STK32B: variants seen among roughly 807,000 people sequenced by gnomAD.
STK32B encodes the protein serine/threonine-protein kinase 32B.
STK32B carries 43 observed loss-of-function variants against 52.6 expected under a neutral mutation model. The ratio of observed to expected loss-of-function variants is 0.82; its 90% CI spans 0.64 to 1.05. The LOEUF (loss-of-function observed/expected upper bound fraction) is 1.05, where lower values mean the gene tolerates loss of function less well. STK32B is among the 50% of genes least tolerant of loss of function. The probability of loss-of-function intolerance (pLI) is 0.00; values close to 1 mark genes in which losing one functional copy is unlikely to be tolerated. For synonymous variants in STK32B, 238 were observed against 204.3 expected, an observed-to-expected ratio of 1.17 and a Z score of -1.41; for missense variants, 621 against 534.6, an observed-to-expected ratio of 1.16 and a Z score of -1.59.
At chr4:5,175,602 G>T (rs1433760118) in intron 3 of STK32B, among the ~76,000 whole-genome samples, 6 of 152,200 alleles carry the variant, frequency 3.9e-5, no homozygotes, top group African/African-American at 1.4e-4. Context: ...CAGCAGCAGT[G>T]GCTGCAGAAC....
chr4:5,356,947 G>A (rs1223908888), intron 4 of STK32B, among the ~76,000 whole-genome samples: 4 of 152,018 alleles, frequency 2.6e-5, no homozygotes, highest in Admixed American at 6.6e-5. Context: ...GCAGTGAGCC[G>A]AGATCGTGCC....
chr4:5,180,512 G>T (rs1002636355), intron 3 of STK32B, among the ~76,000 whole-genome samples: 1 of 152,110 alleles, frequency 6.6e-6, no homozygotes, highest in Admixed American at 6.5e-5. Context: ...CACAGCTGCT[G>T]TGATGGGGCC....
chr4:5,263,893 T>G (rs1330866796), intron 3 of STK32B, among the ~76,000 whole-genome samples: 2 of 152,240 alleles, frequency 1.3e-5, no homozygotes, highest in African/African-American at 4.8e-5. Flanking sequence ...TACATTGGTT[T>G]TGCCTATTCC....
chr4:5,160,777 A>C (rs1718378995), intron 2 of STK32B, among the ~76,000 whole-genome samples: 1 of 152,214 alleles, frequency 6.6e-6, no homozygotes, highest in African/African-American at 2.4e-5. Context: ...TGGACAATGG[A>C]TGCACGAAGC....
chr4:5,143,369 T>A (rs1716652828), intron 2 of STK32B, among the ~76,000 whole-genome samples: 2 of 152,186 alleles, frequency 1.3e-5, no homozygotes, highest in African/African-American at 4.8e-5. Context: ...TATTCAGAAA[T>A]CATGTTGTAT....
At chr4:5,252,309 G>T (rs991551015) in intron 3 of STK32B, among the ~76,000 whole-genome samples, 1 of 152,182 alleles carries the variant, frequency 6.6e-6, no homozygotes, top group Non-Finnish European at 1.5e-5. Context: ...ATTGGATAAA[G>T]AACCTCCAAT....
intron 5 of STK32B, among the ~76,000 whole-genome samples, chr4:5,402,879 G>A (rs576338370): frequency 6.6e-6 from 1 of 152,264 alleles, no homozygotes; most frequent in East Asian, 1.9e-4. Flanking sequence ...TGGAGGAAGG[G>A]ACATGTACAT....
intron 3 of STK32B, among the ~76,000 whole-genome samples, chr4:5,261,512 C>T (rs1726711573): frequency 6.6e-6 from 1 of 152,126 alleles, no homozygotes; most frequent in African/African-American, 2.4e-5. Flanking sequence ...ACACATCAGA[C>T]TCTTTAACCT....
chr4:5,328,768 G>T (rs139227452), intron 3 of STK32B, among the ~76,000 whole-genome samples: 2 of 152,132 alleles, frequency 1.3e-5, no homozygotes, highest in African/African-American at 2.4e-5. Context: ...CAGGGTTGCC[G>T]CAAACCTTCA....
chr4:5,066,283 C>G (rs1268623310), intron 1 of STK32B, among the ~76,000 whole-genome samples: 1 of 152,118 alleles, frequency 6.6e-6, no homozygotes, highest in African/African-American at 2.4e-5. Context: ...TTGATTTTAT[C>G]TCCTAAATAG....
At chr4:5,353,164 C>T (rs549673784) in intron 4 of STK32B, among the ~76,000 whole-genome samples, 1 of 152,132 alleles carries the variant, frequency 6.6e-6, no homozygotes, top group South Asian at 2.1e-4. Context: ...GAAACAACAC[C>T]CTCTTCAATA....
chr4:5,483,671 T>G (rs1375190591), intron 11 of STK32B, among the ~76,000 whole-genome samples: 51 of 151,918 alleles, frequency 3.4e-4, no homozygotes, highest in African/African-American at 1.1e-3. Flanking sequence ...TTCTTTTAAT[T>G]GTGATGTTAG....
At chr4:5,102,448 C>CCTTG (rs1433173519) in intron 1 of STK32B, among the ~76,000 whole-genome samples, 1 of 55,944 alleles carries the variant, frequency 1.8e-5, no homozygotes, top group African/African-American at 4.4e-5. Context: ...TTCCTTCCTT[C>CCTTG]CTTCCTTCCT....
intron 6 of STK32B, among the ~76,000 whole-genome samples, chr4:5,429,115 G>A (rs1713344202): frequency 6.6e-6 from 1 of 152,196 alleles, no homozygotes; most frequent in South Asian, 2.1e-4. Flanking sequence ...GTATGCTCTT[G>A]TGAGCCAGTA....
At chr4:5,430,927 G>T (rs1713524407) in intron 6 of STK32B, among the ~76,000 whole-genome samples, 1 of 152,156 alleles carries the variant, frequency 6.6e-6, no homozygotes, top group African/African-American at 2.4e-5. Context: ...CTAGCAATAG[G>T]CTTCTGTTTC....
At chr4:5,035,497 TG>T in the STK32B span, among the ~76,000 whole-genome samples, 2 of 152,106 alleles carry the variant, frequency 1.3e-5, no homozygotes, top group African/African-American at 4.8e-5. Flanking sequence ...ATATTTTGGG[TG>T]AAGACCCCCA....
intron 3 of STK32B, among the ~76,000 whole-genome samples, chr4:5,316,932 A>G (rs1451436782): frequency 1.4e-4 from 2 of 13,870 alleles, no homozygotes; most frequent in East Asian, 0.011. Flanking sequence ...TATATATAAT[A>G]TATATAATAT....
intron 4 of STK32B, among the ~76,000 whole-genome samples, chr4:5,363,702 T>C (rs1325429196): frequency 6.6e-6 from 1 of 152,190 alleles, no homozygotes; most frequent in East Asian, 1.9e-4. Context: ...TTTTGAGCCT[T>C]TGTATTGTGA....
At chr4:5,420,464 A>G in intron 6 of STK32B, among the ~76,000 whole-genome samples, 1 of 152,156 alleles carries the variant, frequency 6.6e-6, no homozygotes. Context: ...GAATGGGGGC[A>G]ACGGCAACTT....
Sources: allele counts gnomAD v4.1 joint callset (sites outside exome capture counted in the v4.1 genomes callset), GRCh38; gene constraint gnomAD v4.1.1; transcripts MANE v1.5; gene names NCBI Gene and HGNC (gene_info 2026-07-23, HGNC 2026-07-21).